EEF1AKMT1: variants seen among roughly 807,000 people sequenced by gnomAD.
The protein encoded by EEF1AKMT1 is EEF1A lysine methyltransferase 1, also known as N-6 adenine-specific DNA methyltransferase 2 (putative).
EEF1AKMT1 carries 18 observed loss-of-function variants against 21.0 expected under a neutral mutation model. That is an observed-to-expected ratio of 0.86 (90% CI 0.59 to 1.27). EEF1AKMT1 has a LOEUF of 1.27. EEF1AKMT1 is among the 50% of genes most tolerant of loss of function. The pLI is 0.00. For synonymous variants in EEF1AKMT1, 109 were observed against 94.8 expected, an observed-to-expected ratio of 1.15 and a Z score of -0.87; for missense variants, 246 against 258.6, an observed-to-expected ratio of 0.95 and a Z score of 0.33.
At chr13:20,763,127 GT>G (rs1167144526) in intron 1 of EEF1AKMT1, among the ~76,000 whole-genome samples, 1 of 152,030 alleles carries the variant, frequency 6.6e-6, no homozygotes, top group East Asian at 1.9e-4. Flanking sequence ...ATTGTCTTTG[GT>G]TTTGGTAACA....
intron 2 of EEF1AKMT1, among the ~76,000 whole-genome samples, chr13:20,740,987 TG>T (rs1172233949): frequency 1.3e-5 from 2 of 152,122 alleles, no homozygotes; most frequent in East Asian, 3.9e-4. Context: ...GGTGGAGCTC[TG>T]GAGTTATCTT....
Position 20,738,879 on chromosome 13 carries a change from G to T in EEF1AKMT1, c.145-1074C>A, listed in dbSNP as rs61513396. Among the ~76,000 whole-genome samples, 8 of 151,814 alleles carry T rather than the reference G, an allele frequency of 5.3e-5. No homozygotes were observed. The East Asian group carries it at 1.2e-3, about 22-fold the overall frequency. Reference sequence around the variant, plus strand: ...ACATATGGTTTCTTTTAGACGCAACGAAAATGTTCTAAAATTGACTGTGGT... The same window carrying T: ...ACATATGGTTTCTTTTAGACGCAACTAAAATGTTCTAAAATTGACTGTGGT... On this transcript the variant is annotated intron_variant, in intron 2 of 4. Coordinates refer to ENST00000382758, the MANE Select transcript of EEF1AKMT1 (RefSeq NM_001318939.2).
At chr13:20,746,538 A>G (rs1054982084) in intron 2 of EEF1AKMT1, among the ~76,000 whole-genome samples, 41 of 152,210 alleles carry the variant, frequency 2.7e-4, no homozygotes, top group Non-Finnish European at 5.4e-4. Flanking sequence ...CCTAGCATAC[A>G]GAGAATGGAA....
intron 2 of EEF1AKMT1, among the ~76,000 whole-genome samples, chr13:20,751,759 C>T (rs75758058): frequency 1.6e-3 from 240 of 151,916 alleles, no homozygotes; most frequent in Non-Finnish European, 2.5e-3. Flanking sequence ...ATTTTAACTA[C>T]GATTATTCTT....
At chr13:20,741,436 G>T (rs1232755143) in intron 2 of EEF1AKMT1, among the ~76,000 whole-genome samples, 10 of 141,186 alleles carry the variant, frequency 7.1e-5, no homozygotes, top group Non-Finnish European at 1.1e-4. Context: ...TTTGTTTGTT[G>T]TTTTTTAACA....
chr13:20,739,188 G>C (rs903448135), intron 2 of EEF1AKMT1, among the ~76,000 whole-genome samples: 7 of 152,278 alleles, frequency 4.6e-5, no homozygotes, highest in African/African-American at 1.4e-4. Context: ...GCTCCCAGTG[G>C]GTTGGTAACT....
chr13:20,740,282 C>G (rs1595016350), intron 2 of EEF1AKMT1, among the ~76,000 whole-genome samples: 1 of 152,354 alleles, frequency 6.6e-6, no homozygotes, highest in East Asian at 1.9e-4. Flanking sequence ...GAGTGCCACG[C>G]ACAGCCCCAG....
At chr13:20,745,796 C>T (rs1014117317) in intron 2 of EEF1AKMT1, among the ~76,000 whole-genome samples, 16 of 151,840 alleles carry the variant, frequency 1.1e-4, no homozygotes, top group Admixed American at 3.3e-4. Context: ...TGCAGTAAGC[C>T]GAGATTGTGC....
chr13:20,765,869 T>C (rs551234396), intron 1 of EEF1AKMT1, among the ~76,000 whole-genome samples: 1 of 152,232 alleles, frequency 6.6e-6, no homozygotes, highest in South Asian at 2.1e-4. Context: ...AAACATCATA[T>C]GACAAGGTAT....
intron 2 of EEF1AKMT1, among the ~76,000 whole-genome samples, chr13:20,748,760 C>T (rs1392341135): frequency 9.1e-6 from 1 of 109,784 alleles, no homozygotes; most frequent in African/African-American, 3.5e-5. Flanking sequence ...GACAGAGTCT[C>T]ACTCTGTCAC....
intron 2 of EEF1AKMT1, among the ~76,000 whole-genome samples, chr13:20,756,171 A>G (rs183539189): frequency 5.9e-5 from 9 of 152,342 alleles, no homozygotes; most frequent in African/African-American, 2.2e-4. Flanking sequence ...TGATAAGCAT[A>G]CAGAAGCTTC....
chr13:20,741,064 C>T (rs2058867668), intron 2 of EEF1AKMT1, among the ~76,000 whole-genome samples: 1 of 151,880 alleles, frequency 6.6e-6, no homozygotes, highest in Non-Finnish European at 1.5e-5. Flanking sequence ...GCAGATTCTC[C>T]AGTTTGTTTA....
intron 1 of EEF1AKMT1, among the ~76,000 whole-genome samples, chr13:20,772,999 G>A (rs991521877): frequency 6.6e-6 from 1 of 152,070 alleles, no homozygotes; most frequent in African/African-American, 2.4e-5. Context: ...AATGGGTAAG[G>A]CCTAGATATT....
chr13:20,731,432 G>A (rs965271361), intron 4 of EEF1AKMT1, among the ~76,000 whole-genome samples: 5 of 152,290 alleles, frequency 3.3e-5, no homozygotes, highest in African/African-American at 7.2e-5. Context: ...TAACGATCTC[G>A]CCAGTAAGAA....
intron 1 of EEF1AKMT1, chr13:20,769,105 T>C (rs2059050877): frequency 6.6e-6 from 1 of 152,176 alleles, no homozygotes; most frequent in African/African-American, 2.4e-5. Flanking sequence ...AAGTCTGTGA[T>C]ATGAGTTTTG....
chr13:20,738,989 G>C (rs950833110), intron 2 of EEF1AKMT1, among the ~76,000 whole-genome samples: 2 of 152,234 alleles, frequency 1.3e-5, no homozygotes, highest in South Asian at 4.1e-4. Flanking sequence ...GAGTGTGACA[G>C]TTCTTAAAGA....
At chr13:20,740,012 C>T (rs192389917) in intron 2 of EEF1AKMT1, among the ~76,000 whole-genome samples, 21 of 152,320 alleles carry the variant, frequency 1.4e-4, no homozygotes, top group South Asian at 2.1e-4. Context: ...TCAGGCTGCG[C>T]GGGAGCCCAT....
chr13:20,748,646 T>C lies in EEF1AKMT1; in HGVS notation c.144+8809A>G, dbSNP rs181483524. On this transcript the variant is annotated intron_variant, in intron 2 of 4. Coordinates refer to ENST00000382758, the MANE Select transcript of EEF1AKMT1 (RefSeq NM_001318939.2). ...ACCTATATATACTATGGATTTATTA[T>C]GATAGATGAGGATTTTTGCTCTCTC... Among the ~76,000 whole-genome samples the C allele has an allele frequency of 4.8e-3, 728 of 151,988 alleles. 1 individual carries two copies. The highest frequency in any genetic ancestry group is 8.1e-3 in the Admixed American group (123 of 15,248).
chr13:20,748,674 A>C (rs990474404), intron 2 of EEF1AKMT1, among the ~76,000 whole-genome samples: 1 of 149,754 alleles, frequency 6.7e-6, no homozygotes, highest in African/African-American at 2.5e-5. Flanking sequence ...GCTCTCTCAT[A>C]CACATCATTT....
Sources: gnomAD v4.1 joint callset for allele counts (sites outside exome capture counted in the v4.1 genomes callset) on GRCh38, gnomAD v4.1.1 for gene constraint, MANE v1.5 for transcripts, NCBI Gene and HGNC (gene_info 2026-07-23, HGNC 2026-07-21) for gene names.